LRP1B: variants seen among roughly 807,000 people sequenced by gnomAD.
LRP1B encodes LDL receptor related protein 1B, also known as low-density lipoprotein receptor-related protein 1B.
LRP1B carries 217 observed loss-of-function variants against 556.6 expected under a neutral mutation model. The observed-to-expected ratio is 0.39, with a 90% CI of 0.35 to 0.44. The LOEUF (loss-of-function observed/expected upper bound fraction) is 0.44. Ranked by LOEUF, LRP1B falls within the 20% of genes least tolerant of loss-of-function variation. LRP1B has a pLI of 1.00. For missense variants in LRP1B, 5,053 were observed against 5,620.8 expected (o/e 0.90, Z 3.23); for synonymous variants, 2,047 against 1,865.8 (o/e 1.10, Z -2.50).
intron 35 of LRP1B, among the ~76,000 whole-genome samples, chr2:140,721,657 C>G (rs535761075): frequency 6.8e-6 from 1 of 146,444 alleles, no homozygotes; most frequent in Non-Finnish European, 1.5e-5. Flanking sequence ...ATGCCATTCT[C>G]CTGCCTCAGC....
chr2:141,546,323 T>C (rs1247240822), intron 2 of LRP1B, among the ~76,000 whole-genome samples: 2 of 152,116 alleles, frequency 1.3e-5, no homozygotes, highest in Non-Finnish European at 2.9e-5. Context: ...GTTGGAATAA[T>C]TTGCTCATGG....
intron 41 of LRP1B, among the ~76,000 whole-genome samples, chr2:140,630,339 C>T (rs1170698424): frequency 6.6e-6 from 1 of 152,218 alleles, no homozygotes; most frequent in Non-Finnish European, 1.5e-5. Context: ...AAAGCCATCA[C>T]TCCATTTCGC....
At chr2:140,886,033 C>A in intron 24 of LRP1B, 105 bp downstream of exon 24, 1 of 692,166 alleles carries the variant, frequency 1.4e-6, no homozygotes, top group African/African-American at 1.8e-5. Context: ...GGATAAAGGA[C>A]CAAAGGTCAA....
At chr2:140,400,553 A>G (rs1457290887) in intron 66 of LRP1B, among the ~76,000 whole-genome samples, 2 of 152,160 alleles carry the variant, frequency 1.3e-5, no homozygotes, top group African/African-American at 4.8e-5. Flanking sequence ...GGAAACTCCC[A>G]ATTTGAGACA....
At chr2:140,926,021 T>C (rs73964749) in intron 20 of LRP1B, among the ~76,000 whole-genome samples, 17,113 of 151,368 alleles carry the variant, frequency 0.11, 1,079 homozygotes, top group Middle Eastern at 0.16. Context: ...ACCTTATAAA[T>C]TTAAATACAA....
chr2:140,365,223 A>C (rs564243434), intron 71 of LRP1B, among the ~76,000 whole-genome samples: 34 of 151,792 alleles, frequency 2.2e-4, no homozygotes, highest in African/African-American at 7.5e-4. Flanking sequence ...AAACTAGATC[A>C]CTAAAAACTT....
At chr2:140,470,998 G>A (rs1276571024) in intron 60 of LRP1B, among the ~76,000 whole-genome samples, 1 of 152,146 alleles carries the variant, frequency 6.6e-6, no homozygotes, top group Non-Finnish European at 1.5e-5. Context: ...CAAAGCCTAA[G>A]ATTTTCCTAG....
intron 31 of LRP1B, among the ~76,000 whole-genome samples, chr2:140,815,074 A>G (rs1314077918): frequency 6.6e-6 from 1 of 152,120 alleles, no homozygotes; most frequent in Non-Finnish European, 1.5e-5. Flanking sequence ...CAAGCACACA[A>G]TGCAACCAAC....
Position 141,013,590 on chromosome 2 carries a change from A to T in LRP1B, c.2346T>A (p.Phe782Leu), listed in dbSNP as rs2105385358. The change falls in exon 14 of 91, where the codon TTT becomes TTA. Residue 782 changes from phenylalanine to leucine, a missense_variant. By Grantham distance (22) the Phe-to-Leu change is conservative (BLOSUM62 0). Transcript: ENST00000389484. ...TLLRHERPPL[F>L]GLQIYDPRKQ... is the part of the protein sequence containing the mutation. Reference sequence around the variant, plus strand: ...TTCGTGGATCATAAATCTGAAGCCCAAATAGGGGTGGTCTTTCATGCCTCA... The same window carrying T: ...TTCGTGGATCATAAATCTGAAGCCCTAATAGGGGTGGTCTTTCATGCCTCA... 6.2e-7 allele frequency: 1 copy of T among 1,610,686 alleles called. No individual in the cohort carries two copies. The highest frequency in any genetic ancestry group is 8.5e-7 in the Non-Finnish European group (1 of 1,178,502).
chr2:141,782,901 C>A (rs79773806), intron 2 of LRP1B, among the ~76,000 whole-genome samples: 10,411 of 151,812 alleles, frequency 0.069, 547 homozygotes, highest in Admixed American at 0.16. Flanking sequence ...GATGCTTTTT[C>A]TTTTAGGGAG....
At chr2:141,330,479 A>G (rs930402816) in intron 3 of LRP1B, among the ~76,000 whole-genome samples, 8 of 152,212 alleles carry the variant, frequency 5.3e-5, no homozygotes, top group African/African-American at 1.9e-4. Context: ...TAGAATAGAC[A>G]TATTGCGTGT....
chr2:140,277,406 T>C (rs1682721019), intron 84 of LRP1B, among the ~76,000 whole-genome samples: 2 of 151,786 alleles, frequency 1.3e-5, no homozygotes, highest in Non-Finnish European at 2.9e-5. Context: ...GCAAATATGG[T>C]GAAACCCCCT....
rs1351248940 is a variant in LRP1B at position 141,058,923 on chromosome 2, A to G, written c.1368T>C (p.Ala456=). ...DIHSLIKIEN[A]WGIRIYQKRT... ...TTTTTTGATAAATTCGGATTCCCCAAGCATTCTCAATTTTAATTAATGAGT... is the reference window on the plus strand; with the variant it reads ...TTTTTTGATAAATTCGGATTCCCCAGGCATTCTCAATTTTAATTAATGAGT... Residue 456 remains alanine, a synonymous_variant, in exon 9 of 91, where the codon GCT becomes GCC. Transcript: ENST00000389484. 2 of 1,598,618 alleles carry G rather than the reference A, an allele frequency of 1.3e-6. No individual in the cohort carries two copies. Among genetic ancestry groups the G allele is most frequent in the Admixed American group, 1.7e-5 (1 of 57,218 alleles).
intron 2 of LRP1B, among the ~76,000 whole-genome samples, chr2:141,527,531 A>G (rs1029586675): frequency 6.6e-6 from 1 of 152,044 alleles, no homozygotes; most frequent in African/African-American, 2.4e-5. Context: ...ATAGATAACT[A>G]TTTTTCACCT....
chr2:141,860,237 G>A (rs1049433360), intron 1 of LRP1B, among the ~76,000 whole-genome samples: 4 of 152,256 alleles, frequency 2.6e-5, no homozygotes, highest in Non-Finnish European at 4.4e-5. Flanking sequence ...ATACATTCTT[G>A]TAATTGTGCA....
chr2:141,373,283 A>G (rs1689301034), intron 3 of LRP1B, among the ~76,000 whole-genome samples: 2 of 152,044 alleles, frequency 1.3e-5, no homozygotes, highest in African/African-American at 4.8e-5. Context: ...TATTTTGGAG[A>G]ATGTTCCACG....
Position 140,338,397 on chromosome 2 carries a change from T to C in LRP1B, c.11893-2559A>G, listed in dbSNP as rs780578415. Among the ~76,000 whole-genome samples, 4 of 151,110 alleles carry C rather than the reference T, an allele frequency of 2.6e-5. No individual in the cohort carries two copies. In the East Asian group the frequency reaches 7.8e-4, roughly 30 times the overall value. ...GAGAGAATAACAAAACAAAAGACAA[T>C]AAGGAGGAAGAGGGAAGAAAGGAGC... On this transcript the variant is annotated intron_variant, in intron 77 of 90. Transcript: ENST00000389484.
At chr2:142,061,230 C>T (rs765408623) in intron 1 of LRP1B, among the ~76,000 whole-genome samples, 8 of 151,682 alleles carry the variant, frequency 5.3e-5, no homozygotes, top group South Asian at 2.1e-4. Flanking sequence ...TGTGGGTAAA[C>T]GGATAACAAA....
At chr2:141,015,984 T>C in intron 12 of LRP1B, 69 bp from the exon 13 acceptor site, 1 of 1,192,368 alleles carries the variant, frequency 8.4e-7, no homozygotes, top group Non-Finnish European at 1.2e-6. Flanking sequence ...AGACACTTCC[T>C]CAGATTTGGC....
Sources: allele counts gnomAD v4.1 joint callset (sites outside exome capture counted in the v4.1 genomes callset), GRCh38; gene constraint gnomAD v4.1.1; transcripts MANE v1.5; gene names NCBI Gene and HGNC (gene_info 2026-07-23, HGNC 2026-07-21).